Variants in MGAT4C observed in about 807,000 individuals in gnomAD.
MGAT4C encodes the protein alpha-1,3-mannosyl-glycoprotein 4-beta-N-acetylglucosaminyltransferase C.
MGAT4C carries 19 observed loss-of-function variants against 40.1 expected under a neutral mutation model. The ratio of observed to expected loss-of-function variants is 0.47; its 90% CI spans 0.33 to 0.70. The LOEUF (loss-of-function observed/expected upper bound fraction) is 0.70, where lower values mean the gene tolerates loss of function less well. Among genes scored for constraint, MGAT4C ranks in the 30% least tolerant of loss-of-function variants. The probability of loss-of-function intolerance (pLI) is 0.02; values close to 1 mark genes in which losing one functional copy is unlikely to be tolerated. For synonymous variants in MGAT4C, 181 were observed against 187.1 expected, an observed-to-expected ratio of 0.97 and a Z score of 0.27; for missense variants, 491 against 563.2, an observed-to-expected ratio of 0.87 and a Z score of 1.30.
At chr12:86,759,464 T>C (rs1452136480) in intron 1 of MGAT4C, among the ~76,000 whole-genome samples, 2 of 152,132 alleles carry the variant, frequency 1.3e-5, no homozygotes, top group Non-Finnish European at 2.9e-5. Context: ...ACCTCCTTAC[T>C]GTTTTTCAGA....
At chr12:86,105,944 G>T (rs1876076434) in intron 1 of MGAT4C, among the ~76,000 whole-genome samples, 1 of 152,118 alleles carries the variant, frequency 6.6e-6, no homozygotes, top group African/African-American at 2.4e-5. Flanking sequence ...TTTGGGGAGT[G>T]AAAGACAACA....
Position 86,428,050 on chromosome 12 carries a change from AAAACCACAACAAC to A in MGAT4C, c.-120+7094_-120+7106del, listed in dbSNP as rs529711399. Among the ~76,000 whole-genome samples the A allele has an allele frequency of 5.6e-3, 839 of 150,642 alleles. 7 individuals carry two copies. The highest frequency in any genetic ancestry group is 0.018 in the African/African-American group (735 of 40,440). The stretch of plus-strand genomic sequence containing the variant: ...CAACAGCAACAACAACAACAACAAC[AAAACCACAACAAC>A]AAAAAAACCCGCTAATATAGTATAA... On this transcript the variant is annotated intron_variant, in intron 3 of 7. Coordinates refer to the MGAT4C transcript ENST00000548651.
intron 1 of MGAT4C, among the ~76,000 whole-genome samples, chr12:86,170,566 A>G (rs550223318): frequency 6.6e-5 from 10 of 152,230 alleles, no homozygotes; most frequent in Non-Finnish European, 1.0e-4. Context: ...TGAAGTAGTC[A>G]CTAATATTAT....
intron 1 of MGAT4C, among the ~76,000 whole-genome samples, chr12:86,834,179 TA>T (rs1952990108): frequency 1.9e-5 from 1 of 53,252 alleles, no homozygotes; most frequent in Non-Finnish European, 4.8e-5. Context: ...TAGATAGATA[TA>T]GATATAGATA....
intron 2 of MGAT4C, among the ~76,000 whole-genome samples, chr12:86,647,125 G>A (rs932536781): frequency 1.3e-5 from 2 of 151,878 alleles, no homozygotes; most frequent in African/African-American, 4.8e-5. Flanking sequence ...TTCCAAGAGA[G>A]ACTGGTCCCC....
chr12:86,196,991 A>T (rs1293412924), intron 1 of MGAT4C, among the ~76,000 whole-genome samples: 1 of 152,186 alleles, frequency 6.6e-6, no homozygotes, highest in Admixed American at 6.5e-5. Flanking sequence ...TTCAATTTGT[A>T]TATCTTCTCT....
chr12:86,730,623 T>C (rs1388708234), intron 1 of MGAT4C, among the ~76,000 whole-genome samples: 2 of 152,068 alleles, frequency 1.3e-5, no homozygotes, highest in Non-Finnish European at 2.9e-5. Context: ...CATAAATTCA[T>C]ACAAAGAGCC....
At chr12:86,300,243 T>A (rs759860632) in intron 4 of MGAT4C, among the ~76,000 whole-genome samples, 1 of 152,212 alleles carries the variant, frequency 6.6e-6, no homozygotes, top group Non-Finnish European at 1.5e-5. Context: ...CACACTGTGA[T>A]GCAGGTCATC....
intron 2 of MGAT4C, among the ~76,000 whole-genome samples, chr12:86,550,891 A>C (rs1247784748): frequency 1.3e-5 from 2 of 152,090 alleles, no homozygotes; most frequent in East Asian, 3.9e-4. Context: ...ACAGCCCTAC[A>C]TTGCTTCCCC....
In MGAT4C at chr12:86,223,607, C is replaced by A. The variant is rs554566055; in HGVS notation, c.-57+32632G>T. 1.3e-5 allele frequency among the ~76,000 whole-genome samples: 2 copies of A among 152,270 alleles called. 1 individual carries two copies. Among genetic ancestry groups the A allele is most frequent in the African/African-American group, 4.8e-5 (2 of 41,556 alleles). ...ACCCAGCAGCCTGAGAACCACCCTGCCCCTGCCTAAGATAGCCAGTCCCTG... is the reference window on the plus strand; with the variant it reads ...ACCCAGCAGCCTGAGAACCACCCTGACCCTGCCTAAGATAGCCAGTCCCTG... On this transcript the variant is annotated intron_variant, in intron 1 of 4. Coordinates refer to ENST00000611864, the MANE Select transcript of MGAT4C (RefSeq NM_001351288.2).
chr12:86,528,430 T>C (rs936673665), intron 2 of MGAT4C, among the ~76,000 whole-genome samples: 27 of 152,068 alleles, frequency 1.8e-4, no homozygotes, highest in Non-Finnish European at 3.7e-4. Flanking sequence ...AACAAAAATA[T>C]TCAATAGACA....
At chr12:86,591,409 A>G (rs1230208399) in intron 2 of MGAT4C, among the ~76,000 whole-genome samples, 1 of 151,956 alleles carries the variant, frequency 6.6e-6, no homozygotes, top group African/African-American at 2.4e-5. Context: ...ATCATTTTCA[A>G]TGTAATACCT....
intron 1 of MGAT4C, among the ~76,000 whole-genome samples, chr12:86,836,082 A>T (rs2136241069): frequency 6.6e-6 from 1 of 152,180 alleles, no homozygotes; most frequent in East Asian, 1.9e-4. Flanking sequence ...ATATAATGAG[A>T]CAGAGGTGTA....
intron 2 of MGAT4C, among the ~76,000 whole-genome samples, chr12:86,562,406 G>A (rs1211869589): frequency 6.6e-6 from 1 of 152,130 alleles, no homozygotes; most frequent in African/African-American, 2.4e-5. Context: ...TGCTGATGAT[G>A]CTGGGGGCGC....
chr12:86,721,135 G>C (rs1950729501), intron 2 of MGAT4C, among the ~76,000 whole-genome samples: 1 of 152,160 alleles, frequency 6.6e-6, no homozygotes, highest in South Asian at 2.1e-4. Flanking sequence ...GGGAAACAGA[G>C]AAGGTGGCAA....
chr12:86,116,613 C>G (rs2135666515), intron 1 of MGAT4C, among the ~76,000 whole-genome samples: 1 of 152,124 alleles, frequency 6.6e-6, no homozygotes, highest in African/African-American at 2.4e-5. Flanking sequence ...TAGATCTAAT[C>G]ACAGTTTAGG....
intron 2 of MGAT4C, among the ~76,000 whole-genome samples, chr12:86,544,911 T>C (rs1036096267): frequency 3.9e-5 from 6 of 152,094 alleles, no homozygotes; most frequent in Admixed American, 1.3e-4. Flanking sequence ...CTGAGTCTGC[T>C]TTTATGTTCA....
At chr12:85,994,070 G>T (rs1324177587) in intron 2 of MGAT4C, among the ~76,000 whole-genome samples, 2 of 152,176 alleles carry the variant, frequency 1.3e-5, no homozygotes. Flanking sequence ...GGAGGCCCAG[G>T]CCAGCCTCCC....
intron 1 of MGAT4C, among the ~76,000 whole-genome samples, chr12:86,733,329 T>G (rs1285860992): frequency 6.6e-6 from 1 of 151,916 alleles, no homozygotes; most frequent in Non-Finnish European, 1.5e-5. Context: ...AATAACCCAA[T>G]GAAAAGGGTT....
Sources: allele counts gnomAD v4.1 joint callset (sites outside exome capture counted in the v4.1 genomes callset), GRCh38; gene constraint gnomAD v4.1.1; transcripts MANE v1.5; gene names NCBI Gene and HGNC (gene_info 2026-07-23, HGNC 2026-07-21).